ZNF461: variants seen among roughly 807,000 people sequenced by gnomAD.
ZNF461 encodes gonadotropin-inducible ovarian transcription factor-1.
ZNF461 carries 16 observed loss-of-function variants against 18.3 expected under a neutral mutation model. That is an observed-to-expected ratio of 0.88 (90% CI 0.59 to 1.33). The LOEUF is 1.33. Ranked by LOEUF, ZNF461 falls within the 40% of genes most tolerant of loss-of-function variation. The pLI is 0.00. For synonymous variants in ZNF461, 179 were observed against 216.9 expected (o/e 0.83, Z 1.54); for missense variants, 595 against 669.9 (o/e 0.89, Z 1.23).
At position 36,638,096 on chromosome 19, in the gene ZNF461, G is replaced by A. The variant is rs1268945904; in HGVS notation, c.*557C>T. 5.0e-6 allele frequency: 1 copy of A among 198,808 alleles called. No homozygotes were observed. Among genetic ancestry groups the A allele is most frequent in the Non-Finnish European group, 1.0e-5 (1 of 96,846 alleles). The allele number at this position is 198,808 out of a possible 1,614,324, so 12.3% of individuals were successfully genotyped here. A position where few individuals can be genotyped will look rare whatever the true frequency, so the allele number is the denominator to read the frequency against. ...AGAAACAACTTCAATGTCTGTAGTA[G>A]GTAATGGCCCAAAATACGGACATAC... On this transcript the variant is annotated 3_prime_UTR_variant, in exon 6 of 6. Coordinates refer to ENST00000588268, the MANE Select transcript of ZNF461 (RefSeq NM_153257.5).
chr19:36,659,939 T>C (rs1314276947), intron 2 of ZNF461, among the ~76,000 whole-genome samples: 1 of 152,212 alleles, frequency 6.6e-6, no homozygotes, highest in Non-Finnish European at 1.5e-5. Flanking sequence ...CTCTGCTCAG[T>C]GAGATCATCC....
At chr19:36,641,976 C>T (rs1222271116) in intron 5 of ZNF461, among the ~76,000 whole-genome samples, 4 of 152,182 alleles carry the variant, frequency 2.6e-5, no homozygotes, top group Middle Eastern at 3.4e-3. Flanking sequence ...CGAGAGTGAG[C>T]GCAGTGGTGC....
intron 5 of ZNF461, chr19:36,643,555 C>T (rs574912355): frequency 3.7e-5 from 10 of 273,272 alleles, no homozygotes; most frequent in Admixed American, 1.1e-4. Context: ...ATACTAATTC[C>T]GAGACATTTG....
intron 5 of ZNF461, chr19:36,643,367 C>G (rs1462403854): frequency 6.6e-6 from 1 of 152,366 alleles, no homozygotes; most frequent in East Asian, 1.9e-4. Context: ...ATAGGAGGTA[C>G]TTTTTTCTCC....
intron 5 of ZNF461, among the ~76,000 whole-genome samples, chr19:36,640,728 C>A (rs2037408776): frequency 6.6e-6 from 1 of 152,142 alleles, no homozygotes; most frequent in South Asian, 2.1e-4. Flanking sequence ...AGAGTAGATA[C>A]CTTTCTAGCT....
chr19:36,648,680 A>C (rs1600426230), intron 4 of ZNF461, among the ~76,000 whole-genome samples: 1 of 152,116 alleles, frequency 6.6e-6, no homozygotes, highest in East Asian at 1.9e-4. Flanking sequence ...CCCAGGTTCA[A>C]GTGATTCTTG....
At chr19:36,645,993 C>T (rs545785875) in intron 4 of ZNF461, among the ~76,000 whole-genome samples, 2 of 151,748 alleles carry the variant, frequency 1.3e-5, no homozygotes, top group African/African-American at 2.4e-5. Flanking sequence ...CTATGTTGGC[C>T]AGGCTGGTCT....
intron 4 of ZNF461, among the ~76,000 whole-genome samples, chr19:36,647,354 AC>A (rs2037546575): frequency 6.6e-6 from 1 of 152,166 alleles, no homozygotes; most frequent in Non-Finnish European, 1.5e-5. Flanking sequence ...TGCCTGGCCA[AC>A]ATGGTTAAAC....
chr19:36,639,819 T>C lies in ZNF461; in HGVS notation c.526A>G (p.Ser176Gly), dbSNP rs374942056. The C allele has an allele frequency of 7.4e-6, 12 of 1,613,792 alleles. 1 individual carries two copies. The highest frequency in any genetic ancestry group is 1.3e-5 in the African/African-American group (1 of 74,940). ...TCTTGAGTGAGTAAAGTATGTTGGC[T>C]AAAAATGGGCATGTTTTCATGGTTA... ...MINHENMPIF[S>G]QHTLLTQEFY... Residue 176 changes from serine to glycine, a missense_variant, in exon 6 of 6, where the codon AGC (serine) becomes GGC (glycine). Ser to Gly is a moderately conservative substitution (Grantham distance 56). Transcript: ENST00000588268.
At chr19:36,652,697 T>C (rs1456137207) in intron 4 of ZNF461, among the ~76,000 whole-genome samples, 1 of 152,046 alleles carries the variant, frequency 6.6e-6, no homozygotes, top group Non-Finnish European at 1.5e-5. Context: ...AAAGACCCTG[T>C]TAAAAGGATA....
In ZNF461 at chr19:36,636,819, G is replaced by C. The variant is rs2037300171; in HGVS notation, c.*1834C>G. Among the ~76,000 whole-genome samples, 1 of 152,210 alleles carries C rather than the reference G, an allele frequency of 6.6e-6. No homozygotes were observed. Among genetic ancestry groups the C allele is most frequent in the Non-Finnish European group, 1.5e-5 (1 of 68,042 alleles). On this transcript the variant is annotated 3_prime_UTR_variant, in exon 6 of 6. Coordinates refer to ENST00000588268, the MANE Select transcript of ZNF461 (RefSeq NM_153257.5). Reference sequence around the variant, plus strand: ...CTGAAGCAGCATAAACTTAACTACTGATTTATTCTTTTACTTATCAGAGAG... The same window carrying C: ...CTGAAGCAGCATAAACTTAACTACTCATTTATTCTTTTACTTATCAGAGAG...
chr19:36,659,564 C>A (rs57854762), intron 2 of ZNF461, among the ~76,000 whole-genome samples: 2 of 152,054 alleles, frequency 1.3e-5, no homozygotes, highest in African/African-American at 4.8e-5. Context: ...TGAGACACTG[C>A]ACCTAGCCTC....
At chr19:36,649,613 G>A (rs940026786) in intron 4 of ZNF461, among the ~76,000 whole-genome samples, 2 of 152,070 alleles carry the variant, frequency 1.3e-5, no homozygotes, top group African/African-American at 2.4e-5. Context: ...TTACAGGTGT[G>A]AGCCACTGCG....
chr19:36,663,262 G>T (rs936231900), intron 2 of ZNF461, among the ~76,000 whole-genome samples: 2 of 152,014 alleles, frequency 1.3e-5, no homozygotes, highest in African/African-American at 2.4e-5. Flanking sequence ...CAATTCTCCC[G>T]CCTTGGCCTC....
intron 5 of ZNF461, among the ~76,000 whole-genome samples, chr19:36,642,969 A>G (rs1387880827): frequency 1.3e-5 from 2 of 152,008 alleles, no homozygotes; most frequent in South Asian, 2.1e-4. Flanking sequence ...GGGTTTCACC[A>G]TGCTGGCCAG....
At chr19:36,651,392 A>G (rs2037624776) in intron 4 of ZNF461, among the ~76,000 whole-genome samples, 1 of 152,108 alleles carries the variant, frequency 6.6e-6, no homozygotes, top group Non-Finnish European at 1.5e-5. Flanking sequence ...CAATAAGGCA[A>G]GAAAAAGAAA....
Position 36,639,226 on chromosome 19 carries a change from A to G in ZNF461, c.1119T>C (p.Thr373=). ...GKTFRHRSHL[T]IHQRIHTGEK... is the part of the protein sequence containing the mutation. ...CACCAGTATGAATTCTCTGATGTATAGTAAGATGTGAGCGATGCCTAAAAG... is the reference window on the plus strand; with the variant it reads ...CACCAGTATGAATTCTCTGATGTATGGTAAGATGTGAGCGATGCCTAAAAG... The change falls in exon 6 of 6, where the codon ACT becomes ACC. Residue 373 remains threonine, a synonymous_variant. Transcript: ENST00000588268. 3 of 1,614,152 alleles carry G rather than the reference A, an allele frequency of 1.9e-6. No individual in the cohort carries two copies. The highest frequency in any genetic ancestry group is 2.5e-6 in the Non-Finnish European group (3 of 1,180,020).
At chr19:36,661,018 T>C (rs535365941) in intron 2 of ZNF461, among the ~76,000 whole-genome samples, 1 of 152,248 alleles carries the variant, frequency 6.6e-6, no homozygotes, top group East Asian at 1.9e-4. Context: ...TCTGGCGCAG[T>C]GGCTCACCCC....
intron 5 of ZNF461, 38 bp from the exon 6 acceptor site, chr19:36,640,081 T>A: frequency 6.6e-7 from 1 of 1,512,668 alleles, no homozygotes; most frequent in Admixed American, 2.1e-5. Context: ...CCTGGTTTTG[T>A]ACTATAAGAG....
Sources: gnomAD v4.1 joint callset for allele counts (sites outside exome capture counted in the v4.1 genomes callset) on GRCh38, gnomAD v4.1.1 for gene constraint, MANE v1.5 for transcripts, NCBI Gene and HGNC (gene_info 2026-07-23, HGNC 2026-07-21) for gene names.